VIT: variants seen among roughly 807,000 people sequenced by gnomAD.
The protein encoded by VIT is vitrin.
VIT carries 99 observed loss-of-function variants against 78.0 expected under a neutral mutation model. That is an observed-to-expected ratio of 1.27 (90% CI 1.08 to 1.50). VIT has a LOEUF of 1.50. VIT is among the 40% of genes most tolerant of loss of function. The pLI, the probability that VIT is intolerant of heterozygous loss-of-function variation, is 0.00. For missense variants in VIT, 1,126 were observed against 875.3 expected, an observed-to-expected ratio of 1.29 and a Z score of -3.61; for synonymous variants, 374 against 334.3, an observed-to-expected ratio of 1.12 and a Z score of -1.29.
At chr2:36,810,726 C>T (rs140590626) in intron 15 of VIT, among the ~76,000 whole-genome samples, 140 of 151,972 alleles carry the variant, frequency 9.2e-4, no homozygotes, top group Middle Eastern at 3.4e-3. Flanking sequence ...CTCTGCCTCC[C>T]GGATTCAAGC....
chr2:36,763,138 TC>T (rs1669221506), intron 6 of VIT, among the ~76,000 whole-genome samples: 1 of 152,224 alleles, frequency 6.6e-6, no homozygotes, highest in South Asian at 2.1e-4. Flanking sequence ...GTCTGCTGAG[TC>T]CCCCGCTGTG....
intron 6 of VIT, chr2:36,759,536 A>G: frequency 1.8e-6 from 2 of 1,101,466 alleles, no homozygotes; most frequent in Non-Finnish European, 2.2e-6. Context: ...GTGAACCACA[A>G]AAGGGAGTAT....
intron 11 of VIT, 140 bp from the exon 12 acceptor site, chr2:36,786,988 AT>A: frequency 9.5e-7 from 1 of 1,050,174 alleles, no homozygotes; most frequent in South Asian, 1.6e-5. Flanking sequence ...ATGTAAATAA[AT>A]ATACCCTGCA....
intron 5 of VIT, among the ~76,000 whole-genome samples, chr2:36,758,217 C>A (rs1017243289): frequency 6.6e-6 from 1 of 152,214 alleles, no homozygotes; most frequent in Non-Finnish European, 1.5e-5. Flanking sequence ...AACTGCTTCA[C>A]GCCAGGAACA....
At chr2:36,729,084 T>C (rs1667036819) in intron 2 of VIT, among the ~76,000 whole-genome samples, 1 of 152,222 alleles carries the variant, frequency 6.6e-6, no homozygotes, top group Non-Finnish European at 1.5e-5. Flanking sequence ...GATACATAAA[T>C]ATTTATCAGT....
rs766356760 is a variant in VIT, at chr2:36,808,573, C to A, written c.1491C>A (p.Asp497Glu). 1 of 1,614,154 alleles carries A rather than the reference C, an allele frequency of 6.2e-7. No individual in the cohort carries two copies. The highest frequency in any genetic ancestry group is 8.5e-7 in the Non-Finnish European group (1 of 1,180,044). The change falls in exon 15 of 16, where the codon GAC becomes GAA. Residue 497 changes from aspartate (D) to glutamate (E), a missense_variant. Asp to Glu is a conservative substitution (Grantham distance 45, BLOSUM62 2). Transcript: ENST00000379242. ...QPLVKRVCDT[D>E]RLACSKTCLN... ...TGGTGAAGCGGGTCTGCGACACTGACCGCCTGGCCTGCAGCAAGACCTGCT... is the reference window on the plus strand; with the variant it reads ...TGGTGAAGCGGGTCTGCGACACTGAACGCCTGGCCTGCAGCAAGACCTGCT...
chr2:36,804,298 T>C (rs1019014155), intron 13 of VIT, among the ~76,000 whole-genome samples: 6 of 152,192 alleles, frequency 3.9e-5, no homozygotes, highest in African/African-American at 1.2e-4. Flanking sequence ...TGGGTGCAAC[T>C]CTTCCCTGCC....
intron 4 of VIT, among the ~76,000 whole-genome samples, chr2:36,746,905 T>C (rs1668169910): frequency 6.6e-6 from 1 of 152,164 alleles, no homozygotes; most frequent in Non-Finnish European, 1.5e-5. Flanking sequence ...ATTGTTAATA[T>C]GAGATATTTA....
chr2:36,771,378 T>C (rs1482250388), intron 7 of VIT, among the ~76,000 whole-genome samples: 1 of 151,876 alleles, frequency 6.6e-6, no homozygotes, highest in Non-Finnish European at 1.5e-5. Flanking sequence ...ATACAAAAAT[T>C]AGCCAGATGC....
rs1253036549 is a variant in VIT, at chr2:36,814,419, C to A, written c.*58C>A. 4 of 1,594,910 alleles carry A rather than the reference C, an allele frequency of 2.5e-6. No individual in the cohort carries two copies. The South Asian group carries it at 3.4e-5, about 13-fold the overall frequency. Reference sequence around the variant, plus strand: ...CTTTACTAACTGACGTGTTGGACCACCCCACCGCTTAATGGGGCACGCACG... The same window carrying A: ...CTTTACTAACTGACGTGTTGGACCAACCCACCGCTTAATGGGGCACGCACG... On this transcript the variant is annotated 3_prime_UTR_variant, in exon 16 of 16. Coordinates refer to ENST00000379242, the MANE Select transcript of VIT (RefSeq NM_053276.4).
At chr2:36,758,382 C>G (rs1415167118) in intron 5 of VIT, among the ~76,000 whole-genome samples, 1 of 152,198 alleles carries the variant, frequency 6.6e-6, no homozygotes, top group Non-Finnish European at 1.5e-5. Flanking sequence ...CAGAAGAAGA[C>G]TTTGGCAATT....
intron 2 of VIT, among the ~76,000 whole-genome samples, chr2:36,719,137 T>A (rs1666339416): frequency 6.6e-6 from 1 of 152,272 alleles, no homozygotes; most frequent in Admixed American, 6.5e-5. Context: ...CCTTCTGGCT[T>A]GCTTATTCAG....
intron 12 of VIT, 32 bp downstream of exon 12, chr2:36,787,308 G>T: frequency 6.3e-7 from 1 of 1,594,278 alleles, no homozygotes. Flanking sequence ...AATCCAGAAA[G>T]GAAGTCATGC....
chr2:36,773,767 C>G (rs761191648), intron 7 of VIT, 24 bp from the exon 8 acceptor site: 3 of 1,552,118 alleles, frequency 1.9e-6, no homozygotes, highest in African/African-American at 1.4e-5. Flanking sequence ...AATTCATGCT[C>G]TGACCAGTCA....
At chr2:36,774,637 G>A (rs1444114516) in intron 8 of VIT, 1 of 985,272 alleles carries the variant, frequency 1.0e-6, no homozygotes, top group Non-Finnish European at 1.2e-6. Flanking sequence ...GGGCTCCTCT[G>A]GTCAGGGCGA....
Position 36,783,395 on chromosome 2 carries a change from AG to A in VIT, c.904del (p.Asp302IlefsTer11). The A allele has an allele frequency of 6.2e-7, 1 of 1,614,104 alleles. No individual in the cohort carries two copies. The highest frequency in any genetic ancestry group is 1.1e-5 in the South Asian group (1 of 91,070). ...AGTCTTTGGAGCCAGTATCCCTGGG[AG>A]ATCCAAGTAAGTTAATTGACAACTA... ...TQSLEPVSLGDPNCKIDLSFL... is the reference protein window; with the variant it reads ...TQSLEPVSLGXPNCKIDLSFL... On this transcript the variant is annotated frameshift_variant, in exon 11 of 16. Transcript: ENST00000379242. LOFTEE classifies it high-confidence loss of function.
intron 6 of VIT, 101 bp downstream of exon 6, chr2:36,759,147 T>A (rs763096350): frequency 5.6e-6 from 9 of 1,608,056 alleles, no homozygotes; most frequent in Non-Finnish European, 7.6e-6. Flanking sequence ...CCGGTCAAGC[T>A]CCACTGGCTC....
In VIT at chr2:36,776,990, G is replaced by A. The variant is rs1225941250; in HGVS notation, c.802+1923G>A. On this transcript the variant is annotated intron_variant, in intron 9 of 15. Coordinates refer to ENST00000379242, the MANE Select transcript of VIT (RefSeq NM_053276.4). ...TGTAGTCCCAGCTACTTGGGAGGCTGAGGCAGGAGAATGGCATGAACCCAG... is the reference window on the plus strand; with the variant it reads ...TGTAGTCCCAGCTACTTGGGAGGCTAAGGCAGGAGAATGGCATGAACCCAG... 5.3e-5 allele frequency among the ~76,000 whole-genome samples: 8 copies of A among 149,682 alleles called. No individual in the cohort carries two copies. In the East Asian group the frequency reaches 1.6e-3, roughly 30 times the overall value.
At chr2:36,764,139 TA>T (rs1421544896) in intron 6 of VIT, among the ~76,000 whole-genome samples, 1 of 152,230 alleles carries the variant, frequency 6.6e-6, no homozygotes, top group Non-Finnish European at 1.5e-5. Flanking sequence ...TTTCAATATA[TA>T]ATAAGTTTTA....
Sources: gnomAD v4.1 joint callset for allele counts (sites outside exome capture counted in the v4.1 genomes callset) on GRCh38, gnomAD v4.1.1 for gene constraint, MANE v1.5 for transcripts, NCBI Gene and HGNC (gene_info 2026-07-23, HGNC 2026-07-21) for gene names.